The following ECT2 variants were observed in gnomAD, a reference collection of about 807,000 sequenced individuals.
The protein encoded by ECT2 is protein ECT2.
ECT2 carries 61 observed loss-of-function variants against 116.9 expected under a neutral mutation model. That is an observed-to-expected ratio of 0.52 (90% CI 0.42 to 0.65). ECT2 has a LOEUF of 0.65. ECT2 is among the 30% of genes least tolerant of loss of function. The probability of loss-of-function intolerance (pLI) is 0.00; values close to 1 mark genes in which losing one functional copy is unlikely to be tolerated. For missense variants in ECT2, 937 were observed against 1,078.7 expected, an observed-to-expected ratio of 0.87 and a Z score of 1.84; for synonymous variants, 358 against 346.4, an observed-to-expected ratio of 1.03 and a Z score of -0.37.
intron 24 of ECT2, among the ~76,000 whole-genome samples, chr3:172,818,116 T>A (rs1730086101): frequency 6.6e-6 from 1 of 152,136 alleles, no homozygotes; most frequent in Admixed American, 6.6e-5. Context: ...GTAAGACACA[T>A]AAATAATACT....
At chr3:172,762,847 T>G (rs1039879182) in intron 10 of ECT2, 41 bp downstream of exon 10, 8 of 1,610,380 alleles carry the variant, frequency 5.0e-6, no homozygotes, top group Non-Finnish European at 5.1e-6. Flanking sequence ...AAAAACACTA[T>G]TAATAGCTTC....
In ECT2 at chr3:172,821,104, A is replaced by G. The variant is rs969467426; in HGVS notation, c.*867A>G. Reference sequence around the variant, plus strand: ...TTCTGAAGTTGCCATCAGTTTTACTAATCTTCTGTGAAATGCATAGATATG... The same window carrying G: ...TTCTGAAGTTGCCATCAGTTTTACTGATCTTCTGTGAAATGCATAGATATG... On this transcript the variant is annotated 3_prime_UTR_variant, in exon 25 of 25. Coordinates refer to ENST00000392692, the MANE Select transcript of ECT2 (RefSeq NM_001258315.2). The G allele has an allele frequency of 6.6e-5, 10 of 151,936 alleles. No homozygotes were observed. The highest frequency in any genetic ancestry group is 1.3e-4 in the Non-Finnish European group (9 of 67,824). 9.4% of individuals were successfully genotyped at this position (151,936 alleles called of 1,614,324 possible).
chr3:172,764,214 C>T, intron 11 of ECT2, 64 bp from the exon 12 acceptor site: 1 of 1,390,682 alleles, frequency 7.2e-7, no homozygotes, highest in South Asian at 1.2e-5. Context: ...ATATATTTTT[C>T]TCTTGTTCCT....
rs376393537 is a variant in ECT2, at chr3:172,765,510, A to G, written c.1291+1010A>G. 1.7e-4 allele frequency among the ~76,000 whole-genome samples: 26 copies of G among 152,230 alleles called. 1 individual carries two copies. The East Asian group carries it at 1.7e-3, about 10-fold the overall frequency. On this transcript the variant is annotated intron_variant, in intron 12 of 24. Transcript: ENST00000392692. ...AGATATCTTAAACCTAAGATAACCA[A>G]ATTAGACCTTTGGATTCTGCCACTC...
At position 172,784,771 on chromosome 3, in the gene ECT2, A is replaced by G; in HGVS notation, c.1793A>G (p.Gln598Arg). The change falls in exon 17 of 25, where the codon CAG (glutamine) becomes CGG (arginine). Residue 598 changes from glutamine to arginine, a missense_variant. By Grantham distance (43) the Gln-to-Arg change is conservative. Transcript: ENST00000392692. ...GTTGAACTTCTTATCCGACCAGTAC[A>G]GAGGTTACCCAGTGTTGCATTACTT... ...SLVELLIRPV[Q>R]RLPSVALLLN... The G allele has an allele frequency of 6.2e-7, 1 of 1,611,714 alleles. No homozygotes were observed. The highest frequency in any genetic ancestry group is 8.5e-7 in the Non-Finnish European group (1 of 1,178,224).
At chr3:172,761,052 GC>G (rs1259997251) in intron 7 of ECT2, among the ~76,000 whole-genome samples, 4 of 152,094 alleles carry the variant, frequency 2.6e-5, no homozygotes, top group African/African-American at 9.7e-5. Flanking sequence ...ACAGAGCTCT[GC>G]TCTTATAAAG....
At chr3:172,818,396 C>G (rs989957181) in intron 24 of ECT2, 1 of 374,286 alleles carries the variant, frequency 2.7e-6, no homozygotes, top group African/African-American at 2.2e-5. Context: ...TTTCATCTTT[C>G]AAATGAAAAT....
chr3:172,799,199 C>G (rs1163704772), intron 18 of ECT2, among the ~76,000 whole-genome samples: 1 of 152,138 alleles, frequency 6.6e-6, no homozygotes, highest in African/African-American at 2.4e-5. Context: ...CAGCTGTCTT[C>G]CATAAAATTG....
intron 10 of ECT2, 37 bp from the exon 11 acceptor site, chr3:172,762,873 G>A: frequency 6.2e-7 from 1 of 1,610,932 alleles, no homozygotes; most frequent in East Asian, 2.2e-5. Flanking sequence ...TAAAATAAAT[G>A]TAAACTGTTT....
intron 18 of ECT2, 54 bp downstream of exon 18, chr3:172,786,628 A>G (rs963032274): frequency 5.9e-6 from 7 of 1,190,528 alleles, no homozygotes; most frequent in Non-Finnish European, 8.6e-6. Flanking sequence ...AATGGAATTG[A>G]TAGAAAACTA....
chr3:172,762,546 G>A lies in ECT2; in HGVS notation c.889G>A (p.Gly297Arg). ...TATGGAAGAAATGACTGAAATGCAA[G>A]GTAAAATTTAGCATAATGTAAAAGT... ...TNMEEMTEMQ[G>R]GKYLPLGDER... Residue 297 changes from glycine (G) to arginine (R), a missense_variant and splice_region_variant, in exon 9 of 25, where the codon GGA becomes AGA. By Grantham distance (125) the Gly-to-Arg change is moderately radical (BLOSUM62 -2). Transcript: ENST00000392692. The A allele has an allele frequency of 2.5e-6, 4 of 1,588,926 alleles. No homozygotes were observed. Among genetic ancestry groups the A allele is most frequent in the Non-Finnish European group, 3.4e-6 (4 of 1,173,856 alleles).
chr3:172,764,616 G>C, intron 12 of ECT2, 116 bp downstream of exon 12: 1 of 920,578 alleles, frequency 1.1e-6, no homozygotes, highest in Non-Finnish European at 1.6e-6. Context: ...AATTACCTTT[G>C]TTCTAGCTGT....
chr3:172,794,288 A>T (rs1725220083), intron 18 of ECT2, among the ~76,000 whole-genome samples: 1 of 152,188 alleles, frequency 6.6e-6, no homozygotes, highest in Non-Finnish European at 1.5e-5. Context: ...TATATGGGGC[A>T]TGGTATAGAT....
intron 18 of ECT2, among the ~76,000 whole-genome samples, chr3:172,799,573 A>G (rs767483129): frequency 6.6e-5 from 10 of 152,226 alleles, no homozygotes; most frequent in Admixed American, 2.6e-4. Flanking sequence ...AACTTTAGCA[A>G]TATCTGTAAC....
intron 18 of ECT2, among the ~76,000 whole-genome samples, chr3:172,795,344 A>AAT (rs1725443434): frequency 6.9e-6 from 1 of 144,980 alleles, no homozygotes; most frequent in Non-Finnish European, 1.5e-5. Flanking sequence ...AAAAAAAAAA[A>AAT]TTTTCAAAAT....
intron 22 of ECT2, among the ~76,000 whole-genome samples, chr3:172,814,208 A>G (rs538717700): frequency 1.3e-5 from 2 of 152,204 alleles, no homozygotes; most frequent in East Asian, 3.9e-4. Flanking sequence ...CTGTCTATCT[A>G]TCAGTGGTGG....
intron 12 of ECT2, among the ~76,000 whole-genome samples, chr3:172,767,350 A>C (rs970882827): frequency 1.4e-4 from 22 of 152,216 alleles, no homozygotes; most frequent in African/African-American, 4.8e-4. Flanking sequence ...CTGAGGCAGG[A>C]GAATCACTTG....
intron 22 of ECT2, among the ~76,000 whole-genome samples, chr3:172,810,592 C>CT (rs765069297): frequency 2.6e-5 from 4 of 152,008 alleles, no homozygotes; most frequent in Non-Finnish European, 5.9e-5. Flanking sequence ...ATCAGAAGCT[C>CT]TAAGTTATAG....
At chr3:172,763,163 T>C (rs1049369837) in intron 11 of ECT2, among the ~76,000 whole-genome samples, 191 bp downstream of exon 11, 1 of 152,230 alleles carries the variant, frequency 6.6e-6, no homozygotes, top group Middle Eastern at 3.2e-3. Context: ...TTTAACCTAA[T>C]ATATGTTGTT....
Sources: gnomAD v4.1 joint callset for allele counts (sites outside exome capture counted in the v4.1 genomes callset) on GRCh38, gnomAD v4.1.1 for gene constraint, MANE v1.5 for transcripts, NCBI Gene and HGNC (gene_info 2026-07-23, HGNC 2026-07-21) for gene names.